The following WDR90 variants were observed in gnomAD, a reference collection of about 807,000 sequenced individuals.
WDR90 encodes the protein WD repeat-containing protein 90.
A neutral mutation model predicts 195.2 loss-of-function variants in WDR90; 238 were observed. The ratio of observed to expected loss-of-function variants is 1.22; its 90% CI spans 1.10 to 1.36. WDR90 has a LOEUF of 1.36. Among genes scored for constraint, WDR90 ranks in the 40% most tolerant of loss-of-function variants. WDR90 has a pLI of 0.00. For missense variants in WDR90, 2,734 were observed against 2,439.5 expected (o/e 1.12, Z -2.54); for synonymous variants, 1,265 against 1,052.4 (o/e 1.20, Z -3.91).
Position 650,303 on chromosome 16 carries a change from A to G in WDR90, c.329A>G (p.Lys110Arg), listed in dbSNP as rs1428831581. 1 of 1,612,894 alleles carries G rather than the reference A, an allele frequency of 6.2e-7. No individual in the cohort carries two copies. The highest frequency in any genetic ancestry group is 1.7e-5 in the Admixed American group (1 of 60,012). Residue 110 changes from lysine (K) to arginine (R), a missense_variant, in exon 4 of 41, where the codon AAG (lysine) becomes AGG (arginine). Lys to Arg is a conservative substitution (Grantham distance 26, BLOSUM62 2). Coordinates refer to ENST00000293879, the MANE Select transcript of WDR90 (RefSeq NM_145294.5). Reference sequence around the variant, plus strand: ...TTCTCCAACCTCTTCAAGGAGTTTAAGTCTACGGCCACGTGGCTCCAGTTT... The same window carrying G: ...TTCTCCAACCTCTTCAAGGAGTTTAGGTCTACGGCCACGTGGCTCCAGTTT... ...VSFSNLFKEF[K>R]STATWLQFPL...
Position 655,098 on chromosome 16 carries a change from A to G in WDR90, c.1507A>G (p.Thr503Ala), listed in dbSNP as rs769363712. The change falls in exon 14 of 41, where the codon ACT (threonine) becomes GCT (alanine). Residue 503 changes from threonine (T) to alanine (A), a missense_variant. Coordinates refer to ENST00000293879, the MANE Select transcript of WDR90 (RefSeq NM_145294.5). ...GGTGGTCGTTCTGGCAAAGGCGCAC[A>G]CTGACTTTGACGTCCAGGCCTTCCG... ...GEVVVLAKAH[T>A]DFDVQAFRVT... is the part of the protein sequence containing the mutation. The G allele has an allele frequency of 1.4e-5, 22 of 1,612,632 alleles. No individual in the cohort carries two copies. The highest frequency in any genetic ancestry group is 6.7e-5 in the East Asian group (3 of 44,878).
chr16:659,350 G>A lies in WDR90; in HGVS notation c.3158G>A (p.Cys1053Tyr). The A allele has an allele frequency of 6.3e-7, 1 of 1,594,246 alleles. No individual in the cohort carries two copies. Among genetic ancestry groups the A allele is most frequent in the Non-Finnish European group, 8.5e-7 (1 of 1,171,510 alleles). ...CQASPPRLGVCARPPEGGDGA... is the reference protein window; with the variant it reads ...CQASPPRLGVYARPPEGGDGA... ...GCATCTCCACCACGGCTGGGCGTCT[G>A]TGCCAGGCCTCCCGAAGGTGGCGAT... The change falls in exon 26 of 41, where the codon TGT (cysteine) becomes TAT (tyrosine). Residue 1053 changes from cysteine (C) to tyrosine (Y), a missense_variant. Coordinates refer to ENST00000293879, the MANE Select transcript of WDR90 (RefSeq NM_145294.5).
intron 1 of WDR90, 106 bp from the exon 2 acceptor site, chr16:649,657 G>T: frequency 8.2e-7 from 1 of 1,218,632 alleles, no homozygotes; most frequent in Non-Finnish European, 1.1e-6. Context: ...CGGGGAAGGC[G>T]CGGAGAGCCC....
chr16:664,591 C>T (rs573146218), intron 34 of WDR90, among the ~76,000 whole-genome samples: 9 of 152,266 alleles, frequency 5.9e-5, no homozygotes, highest in South Asian at 2.1e-4. Flanking sequence ...TGGACTTTGC[C>T]GTTTCCTTGT....
chr16:656,455 C>A lies in WDR90; in HGVS notation c.2120C>A (p.Ala707Asp). ...RSHTAPVLAL[A>D]MEQRRGQLAT... ...CACACCGCCCCGGTGTTGGCCCTCGCCATGGAGCAGAGGCGGGGACAGCTG... is the reference window on the plus strand; with the variant it reads ...CACACCGCCCCGGTGTTGGCCCTCGACATGGAGCAGAGGCGGGGACAGCTG... Residue 707 changes from alanine to aspartate, a missense_variant, in exon 18 of 41, where the codon GCC becomes GAC. Coordinates refer to ENST00000293879, the MANE Select transcript of WDR90 (RefSeq NM_145294.5). The A allele has an allele frequency of 6.2e-7, 1 of 1,600,350 alleles. No individual in the cohort carries two copies. Among genetic ancestry groups the A allele is most frequent in the African/African-American group, 1.3e-5 (1 of 74,796 alleles).
rs1267352173 is a variant in WDR90, at chr16:661,649, C to G, written c.3726C>G (p.Leu1242=). 6.2e-7 allele frequency: 1 copy of G among 1,609,554 alleles called. No individual in the cohort carries two copies. The highest frequency in any genetic ancestry group is 8.5e-7 in the Non-Finnish European group (1 of 1,178,498). ...TGTGGGGCACGGCCACCTATGACCTCGTGTCCTCCACCCGCCTCCCGGAGC... is the reference window on the plus strand; with the variant it reads ...TGTGGGGCACGGCCACCTATGACCTGGTGTCCTCCACCCGCCTCCCGGAGC... ...LALWGTATYD[L]VSSTRLPEPV... is the part of the protein sequence containing the mutation. The change falls in exon 31 of 41, where the codon CTC becomes CTG. Residue 1242 remains leucine (L), a synonymous_variant. Coordinates refer to ENST00000293879, the MANE Select transcript of WDR90 (RefSeq NM_145294.5).
chr16:655,212 G>T (rs763083655), intron 14 of WDR90, 65 bp downstream of exon 14: 1 of 1,612,152 alleles, frequency 6.2e-7, no homozygotes, highest in East Asian at 2.2e-5. Context: ...GCCGAGGCCC[G>T]AGCACCTCCC....
rs2038036533 is a variant in WDR90 at position 666,275 on chromosome 16, C to T, written c.4665C>T (p.Cys1555=). ...GGCTCGTGGCTGTGAGCCACCCCTGCACAGGGACAACCTTCCGTGTGCTGA... is the reference window on the plus strand; with the variant it reads ...GGCTCGTGGCTGTGAGCCACCCCTGTACAGGGACAACCTTCCGTGTGCTGA... ...KDGLVAVSHP[C]TGTTFRVLSD... Residue 1555 remains cysteine, a synonymous_variant, in exon 37 of 41, where the codon TGC becomes TGT. Coordinates refer to ENST00000293879, the MANE Select transcript of WDR90 (RefSeq NM_145294.5). 6.2e-7 allele frequency: 1 copy of T among 1,612,758 alleles called. No individual in the cohort carries two copies. Among genetic ancestry groups the T allele is most frequent in the Non-Finnish European group, 8.5e-7 (1 of 1,180,000 alleles).
chr16:661,005 CCCCCCCCCCCG>C (rs779417177), intron 28 of WDR90, 35 bp from the exon 29 acceptor site: 21,046 of 119,398 alleles, frequency 0.18, 2,562 homozygotes, highest in East Asian at 0.65. Flanking sequence ...TCCCCGCCCC[CCCCCCCCCCCG>C]GCCCGGCCTC....
In WDR90 at chr16:658,651, C is replaced by G; in HGVS notation, c.2893C>G (p.Gln965Glu). 2 of 1,607,586 alleles carry G rather than the reference C, an allele frequency of 1.2e-6. No homozygotes were observed. Among genetic ancestry groups the G allele is most frequent in the Non-Finnish European group, 1.7e-6 (2 of 1,176,018 alleles). ...DYATQASPGP[Q>E]VYIGHSEPVQ... ...CGCCACACAGGCCAGCCCAGGCCCC[C>G]AGGTGTGTGCGTGGGGAGGCAGGTG... Residue 965 changes from glutamine (Q) to glutamate (E), a missense_variant and splice_region_variant, in exon 23 of 41, where the codon CAG (glutamine) becomes GAG (glutamate). By Grantham distance (29) the Gln-to-Glu change is conservative. Coordinates refer to ENST00000293879, the MANE Select transcript of WDR90 (RefSeq NM_145294.5).
Position 651,185 on chromosome 16 carries a change from C to G in WDR90, c.669-14C>G, listed in dbSNP as rs190187388. The G allele has an allele frequency of 6.2e-7, 1 of 1,613,214 alleles. No individual in the cohort carries two copies. The highest frequency in any genetic ancestry group is 8.5e-7 in the Non-Finnish European group (1 of 1,179,982). ...TTGGGCCCCCAGACACTGACTCTCC[C>G]TCTGCCTGCCAAGGTTTCCAAGTGA... On this transcript the variant is annotated splice_polypyrimidine_tract_variant and intron_variant, in intron 6 of 40. Coordinates refer to ENST00000293879, the MANE Select transcript of WDR90 (RefSeq NM_145294.5).
At chr16:649,161 G>T, upstream of WDR90, 1 of 391,300 alleles carries the variant, frequency 2.6e-6, no homozygotes, top group Non-Finnish European at 4.5e-6. Context: ...CTTCGAAGCC[G>T]GTCGGGCTAA....
intron 19 of WDR90, 94 bp from the exon 20 acceptor site, chr16:656,997 C>G: frequency 6.4e-7 from 1 of 1,559,368 alleles, no homozygotes; most frequent in Non-Finnish European, 8.6e-7. Context: ...CCCATGGGGA[C>G]TTCCATGGCC....
chr16:659,514 G>A, intron 26 of WDR90, 138 bp downstream of exon 26: 1 of 1,222,690 alleles, frequency 8.2e-7, no homozygotes, highest in Non-Finnish European at 1.1e-6. Context: ...ACACAGTGGG[G>A]TCGGGGTGGG....
intron 33 of WDR90, 47 bp from the exon 34 acceptor site, chr16:662,632 G>T (rs1038144183): frequency 6.6e-7 from 1 of 1,513,108 alleles, no homozygotes; most frequent in Admixed American, 2.2e-5. Flanking sequence ...TCTTGTCATC[G>T]GCCTTGAGAC....
At position 666,032 on chromosome 16, in the gene WDR90, C is replaced by G. The variant is rs1044971293; in HGVS notation, c.4517C>G (p.Ser1506Cys). ...QRLAAGYGDG[S>C]LRIFSVSRTA... ...CTAGCGGCTGGCTACGGTGACGGCT[C>G]CCTGCGCATCTTCAGCGTCTCCCGC... Residue 1506 changes from serine to cysteine, a missense_variant, in exon 36 of 41, where the codon TCC becomes TGC. Transcript: ENST00000293879. The G allele has an allele frequency of 2.5e-6, 4 of 1,604,966 alleles. No individual in the cohort carries two copies. Among genetic ancestry groups the G allele is most frequent in the Non-Finnish European group, 3.4e-6 (4 of 1,179,836 alleles).
chr16:650,553 G>T lies in WDR90; in HGVS notation c.403G>T (p.Ala135Ser). 1 of 1,609,516 alleles carries T rather than the reference G, an allele frequency of 6.2e-7. No individual in the cohort carries two copies. Among genetic ancestry groups the T allele is most frequent in the Non-Finnish European group, 8.5e-7 (1 of 1,177,844 alleles). Residue 135 changes from alanine to serine, a missense_variant, in exon 5 of 41, where the codon GCC becomes TCC. Coordinates refer to ENST00000293879, the MANE Select transcript of WDR90 (RefSeq NM_145294.5). Reference sequence around the variant, plus strand: ...CCATCCTGCAGATCTGGTGGGTTTGGCCCCCTCCGGAGCCCGCTGGACCTG... The same window carrying T: ...CCATCCTGCAGATCTGGTGGGTTTGTCCCCCTCCGGAGCCCGCTGGACCTG... ...RTPQRDLVGL[A>S]PSGARWTCLQ...
chr16:653,646 C>T lies in WDR90; in HGVS notation c.1355C>T (p.Pro452Leu), dbSNP rs149022365. 194 of 1,613,578 alleles carry T rather than the reference C, an allele frequency of 1.2e-4. 1 individual carries two copies. In the East Asian group the frequency reaches 4.1e-3, roughly 34 times the overall value. The change falls in exon 12 of 41, where the codon CCA (proline) becomes CTA (leucine). Residue 452 changes from proline (P) to leucine (L), a missense_variant. Transcript: ENST00000293879. ...CGGTGCTTGTGCCTGTTCCGGAGCC[C>T]AATGCACGTTGTCTGCTCTCTCAGG... ...TGRCLCLFRS[P>L]MHVVCSLSFS... is the part of the protein sequence containing the mutation.
intron 34 of WDR90, among the ~76,000 whole-genome samples, chr16:664,667 T>C (rs1280176502): frequency 1.3e-5 from 2 of 151,928 alleles, no homozygotes; most frequent in Admixed American, 1.3e-4. Context: ...CAGTCCCTCA[T>C]TGCTCAGCTG....
Sources: gnomAD v4.1 joint callset for allele counts (sites outside exome capture counted in the v4.1 genomes callset) on GRCh38, gnomAD v4.1.1 for gene constraint, MANE v1.5 for transcripts, NCBI Gene and HGNC (gene_info 2026-07-23, HGNC 2026-07-21) for gene names.